SYNPR: variants seen among roughly 807,000 people sequenced by gnomAD.
SYNPR encodes the protein synaptoporin.
SYNPR carries 23 observed loss-of-function variants against 32.9 expected under a neutral mutation model. That is an observed-to-expected ratio of 0.70 (90% CI 0.50 to 0.99). The LOEUF (loss-of-function observed/expected upper bound fraction) is 0.99, where lower values mean the gene tolerates loss of function less well. Ranked by LOEUF, SYNPR falls within the 50% of genes least tolerant of loss-of-function variation. SYNPR has a pLI of 0.00. For missense variants in SYNPR, 318 were observed against 349.3 expected (o/e 0.91, Z 0.71); for synonymous variants, 146 against 135.9 (o/e 1.07, Z -0.52).
chr3:63,483,620 C>A (rs563476249), intron 3 of SYNPR, among the ~76,000 whole-genome samples: 1 of 151,974 alleles, frequency 6.6e-6, no homozygotes, highest in African/African-American at 2.4e-5. Context: ...TTTAAAAACG[C>A]TCTTTAAAAA....
At chr3:63,427,684 A>T (rs1268255322) in intron 2 of SYNPR, 3 of 152,282 alleles carry the variant, frequency 2.0e-5, no homozygotes, top group African/African-American at 7.2e-5. Flanking sequence ...CCAAACTGGT[A>T]GATTCTGATT....
At chr3:63,576,385 A>G (rs908126723) in intron 4 of SYNPR, among the ~76,000 whole-genome samples, 9 of 152,186 alleles carry the variant, frequency 5.9e-5, no homozygotes, top group Non-Finnish European at 8.8e-5. Context: ...CCTCACCCAA[A>G]GTTAGCAAAG....
At chr3:63,385,808 T>A (rs140002573) in intron 2 of SYNPR, among the ~76,000 whole-genome samples, 2 of 152,312 alleles carry the variant, frequency 1.3e-5, no homozygotes, top group East Asian at 3.9e-4. Context: ...ACGCTTCTGA[T>A]GATGGGGGCT....
intron 2 of SYNPR, among the ~76,000 whole-genome samples, chr3:63,407,828 G>T (rs9870667): frequency 6.6e-6 from 1 of 151,910 alleles, no homozygotes; most frequent in Non-Finnish European, 1.5e-5. Flanking sequence ...ACAGATGCTA[G>T]GGCTCTCACT....
At chr3:63,441,222 A>G (rs1700163967) in intron 2 of SYNPR, among the ~76,000 whole-genome samples, 1 of 152,194 alleles carries the variant, frequency 6.6e-6, no homozygotes, top group African/African-American at 2.4e-5. Flanking sequence ...AAAATGATAT[A>G]CCAAAAACAC....
intron 3 of SYNPR, among the ~76,000 whole-genome samples, chr3:63,497,485 T>A (rs990385913): frequency 1.3e-5 from 2 of 152,008 alleles, no homozygotes; most frequent in African/African-American, 4.8e-5. Context: ...TTCTAAGTCA[T>A]CACAATTGTC....
At chr3:63,605,341 A>G (rs750891851) in intron 4 of SYNPR, among the ~76,000 whole-genome samples, 2 of 152,220 alleles carry the variant, frequency 1.3e-5, no homozygotes, top group Non-Finnish European at 2.9e-5. Flanking sequence ...GAAGTCCCCA[A>G]GACAGGAATT....
intron 4 of SYNPR, among the ~76,000 whole-genome samples, chr3:63,587,805 G>A (rs1703216982): frequency 6.6e-6 from 1 of 152,024 alleles, no homozygotes. Flanking sequence ...CTATTCACAG[G>A]TGCAATCATA....
chr3:63,246,927 T>A (rs1560167382), intron 1 of SYNPR, among the ~76,000 whole-genome samples: 1 of 152,118 alleles, frequency 6.6e-6, no homozygotes, highest in African/African-American at 2.4e-5. Context: ...ATCGTAAACA[T>A]TAAATGACAT....
chr3:63,406,277 A>C (rs2088358447), intron 2 of SYNPR, among the ~76,000 whole-genome samples: 1 of 152,098 alleles, frequency 6.6e-6, no homozygotes, highest in Non-Finnish European at 1.5e-5. Context: ...AGTGAGATTT[A>C]TTCTTTTTGT....
At chr3:63,283,731 A>C (rs2086653760) in intron 2 of SYNPR, among the ~76,000 whole-genome samples, 1 of 151,650 alleles carries the variant, frequency 6.6e-6, no homozygotes, top group South Asian at 2.1e-4. Flanking sequence ...GGAAATGGCA[A>C]AATGTACATA....
intron 2 of SYNPR, among the ~76,000 whole-genome samples, chr3:63,406,298 A>C (rs2107108826): frequency 6.6e-6 from 1 of 152,266 alleles, no homozygotes; most frequent in South Asian, 2.1e-4. Flanking sequence ...TGTAGAAAAA[A>C]ACATTGGCTT....
At chr3:63,460,344 C>G (rs1700559194) in intron 2 of SYNPR, among the ~76,000 whole-genome samples, 1 of 152,020 alleles carries the variant, frequency 6.6e-6, no homozygotes, top group Non-Finnish European at 1.5e-5. Flanking sequence ...GTAATTTCCA[C>G]CAGAACACTC....
intron 3 of SYNPR, among the ~76,000 whole-genome samples, chr3:63,535,283 T>C (rs1702181883): frequency 6.6e-6 from 1 of 152,114 alleles, no homozygotes; most frequent in Non-Finnish European, 1.5e-5. Context: ...GAATTTATAT[T>C]GTGATACTAA....
chr3:63,597,488 G>A (rs1318502012), intron 4 of SYNPR, among the ~76,000 whole-genome samples: 1 of 152,156 alleles, frequency 6.6e-6, no homozygotes, highest in East Asian at 1.9e-4. Flanking sequence ...TGAAAATGGT[G>A]TAGCACCCAA....
intron 2 of SYNPR, among the ~76,000 whole-genome samples, chr3:63,332,216 C>G (rs2087238408): frequency 6.6e-6 from 1 of 152,162 alleles, no homozygotes; most frequent in Admixed American, 6.5e-5. Flanking sequence ...TTGGCTTTCT[C>G]TTCTTCACCC....
At chr3:63,288,987 A>T (rs2086712843) in intron 2 of SYNPR, among the ~76,000 whole-genome samples, 1 of 152,224 alleles carries the variant, frequency 6.6e-6, no homozygotes. Context: ...CACAGAGCAG[A>T]TTGCATAAAT....
chr3:63,467,246 C>A (rs2106667396), intron 2 of SYNPR, among the ~76,000 whole-genome samples: 1 of 152,272 alleles, frequency 6.6e-6, no homozygotes, highest in Non-Finnish European at 1.5e-5. Flanking sequence ...TCAGGCTGAG[C>A]TGAAGACTTT....
At chr3:63,208,807 G>A in the SYNPR span, among the ~76,000 whole-genome samples, 2 of 152,084 alleles carry the variant, frequency 1.3e-5, no homozygotes, top group African/African-American at 4.8e-5. Flanking sequence ...GCACAAGATT[G>A]GCATAGCCGG....
Sources: allele counts gnomAD v4.1 joint callset (sites outside exome capture counted in the v4.1 genomes callset), GRCh38; gene constraint gnomAD v4.1.1; transcripts MANE v1.5; gene names NCBI Gene and HGNC (gene_info 2026-07-23, HGNC 2026-07-21).